P2RY6: variants seen among roughly 807,000 people sequenced by gnomAD.
P2RY6 encodes the protein pyrimidinergic receptor P2Y6, also known as P2Y purinoceptor 6.
Under a neutral mutation model 16.3 loss-of-function variants are expected in P2RY6, and 19 were observed. That is an observed-to-expected ratio of 1.16 (90% CI 0.81 to 1.71). The LOEUF (loss-of-function observed/expected upper bound fraction) is 1.71. Ranked by LOEUF, P2RY6 falls within the 40% of genes most tolerant of loss-of-function variation. The probability of loss-of-function intolerance (pLI) is 0.00; values close to 1 mark genes in which losing one functional copy is unlikely to be tolerated. For missense variants in P2RY6, 389 were observed against 455.5 expected (o/e 0.85, Z 1.33); for synonymous variants, 184 against 201.5 (o/e 0.91, Z 0.74).
chr11:73,292,966 C>CGGGGGGGGGGGGGGGGGGGGGG (rs1393817542), intron 1 of P2RY6: 1 of 18,372 alleles, frequency 5.4e-5, no homozygotes, highest in Non-Finnish European at 6.8e-5. Context: ...GCAGGGGTTG[C>CGGGGGGGGGGGGGGGGGGGGGG]GGGGGGTGGG....
At position 73,296,830 on chromosome 11, in the gene P2RY6, C is replaced by A; in HGVS notation, c.312C>A (p.Phe104Leu). 1 of 1,610,582 alleles carries A rather than the reference C, an allele frequency of 6.2e-7. No homozygotes were observed. The change falls in exon 3 of 3, where the codon TTC (phenylalanine) becomes TTA (leucine). Residue 104 changes from phenylalanine to leucine, a missense_variant. Phe to Leu is a conservative substitution (Grantham distance 22, BLOSUM62 0). Coordinates refer to ENST00000540124, the MANE Select transcript of P2RY6 (RefSeq NM_001277204.2). Reference protein sequence around the residue: ...FGDFACRLVRFLFYANLHGSI... With the variant: ...FGDFACRLVRLLFYANLHGSI... ...ACTTCGCCTGCCGCCTGGTCCGCTT[C>A]CTCTTCTATGCCAACCTGCACGGCA...
intron 1 of P2RY6, among the ~76,000 whole-genome samples, chr11:73,295,353 C>A (rs1053791418): frequency 1.3e-5 from 2 of 152,226 alleles, no homozygotes; most frequent in Admixed American, 1.3e-4. Context: ...CTGCTTCACA[C>A]AGCATGGAAG....
upstream of P2RY6, among the ~76,000 whole-genome samples, chr11:73,267,936 T>A (rs921233574): frequency 1.3e-5 from 2 of 152,216 alleles, no homozygotes; most frequent in African/African-American, 4.8e-5. Flanking sequence ...TCCTCTCCCA[T>A]CTCTTTCCTG....
At chr11:73,278,006 T>C (rs1468784823) in intron 1 of P2RY6, among the ~76,000 whole-genome samples, 1 of 152,134 alleles carries the variant, frequency 6.6e-6, no homozygotes, top group Non-Finnish European at 1.5e-5. Context: ...TTGTTGTTAT[T>C]TTGTTTGTCT....
In P2RY6 at chr11:73,296,686, G is replaced by T; in HGVS notation, c.168G>T (p.Arg56=). 8 of 1,614,128 alleles carry T rather than the reference G, an allele frequency of 5.0e-6. No individual in the cohort carries two copies. The highest frequency in any genetic ancestry group is 6.8e-6 in the Non-Finnish European group (8 of 1,180,038). Residue 56 remains arginine, a synonymous_variant, in exon 3 of 3, where the codon CGG becomes CGT. Coordinates refer to ENST00000540124, the MANE Select transcript of P2RY6 (RefSeq NM_001277204.2). ...CVITQICTSR[R]ALTRTAVYTL... ...TTACCCAGATCTGCACGTCCCGCCG[G>T]GCCCTGACCCGCACGGCCGTGTACA... is the stretch of plus-strand genomic sequence containing the variant.
At chr11:73,266,333 G>A (rs1430011167) in intron 1 of P2RY6, among the ~76,000 whole-genome samples, 1 of 152,194 alleles carries the variant, frequency 6.6e-6, no homozygotes, top group Non-Finnish European at 1.5e-5. Flanking sequence ...GGCTTGGATG[G>A]AGGCTTCTCA....
At chr11:73,276,685 C>A (rs1225004151) in intron 1 of P2RY6, among the ~76,000 whole-genome samples, 1 of 152,118 alleles carries the variant, frequency 6.6e-6, no homozygotes, top group Non-Finnish European at 1.5e-5. Context: ...AAAGGAGATT[C>A]GTAGTTTCCA....
intron 1 of P2RY6, among the ~76,000 whole-genome samples, chr11:73,288,169 G>A (rs867291779): frequency 6.6e-5 from 10 of 152,334 alleles, no homozygotes; most frequent in Admixed American, 1.3e-4. Context: ...ACAATGCTTG[G>A]TGCATCGTTA....
chr11:73,274,540 C>CAAAA lies in P2RY6; in HGVS notation c.-121+2086_-121+2089dup, dbSNP rs59442426. Among the ~76,000 whole-genome samples the CAAAA allele has an allele frequency of 4.8e-3, 329 of 68,426 alleles. 8 individuals carry two copies. Among genetic ancestry groups the CAAAA allele is most frequent in the African/African-American group, 0.013 (305 of 24,338 alleles). The allele number at this position is 68,426 out of a possible 152,430, so 44.9% of individuals were successfully genotyped here. A position where few individuals can be genotyped will look rare whatever the true frequency, so the allele number is the denominator to read the frequency against. ...CTGGGTGACAAGAGCGAGACTGTCT[C>CAAAA]AAAAAAAAAAAAAAAGAAAGAAAGA... On this transcript the variant is annotated intron_variant, in intron 1 of 2. Coordinates refer to ENST00000540124, the MANE Select transcript of P2RY6 (RefSeq NM_001277204.2).
chr11:73,275,341 C>T (rs1473211930), intron 1 of P2RY6, among the ~76,000 whole-genome samples: 2 of 152,194 alleles, frequency 1.3e-5, no homozygotes, highest in East Asian at 1.9e-4. Flanking sequence ...GAGGGATAAC[C>T]TTGTTTCTAT....
chr11:73,268,536 C>G (rs975249036), upstream of P2RY6, among the ~76,000 whole-genome samples: 2 of 152,176 alleles, frequency 1.3e-5, no homozygotes, highest in African/African-American at 4.8e-5. Context: ...TGAGGAGGAT[C>G]ATTTGAGCCC....
At chr11:73,287,599 G>C (rs113211147) in intron 1 of P2RY6, among the ~76,000 whole-genome samples, 2,350 of 152,332 alleles carry the variant, frequency 0.015, 80 homozygotes, top group African/African-American at 0.052. Context: ...CTCCCCCCAC[G>C]GACTGGAGCC....
chr11:73,296,233 A>AAAATATATATATATAT (rs57187973), intron 2 of P2RY6, among the ~76,000 whole-genome samples: 1 of 124,514 alleles, frequency 8.0e-6, no homozygotes, highest in African/African-American at 3.5e-5. Context: ...GAAAAAAAAA[A>AAAATATATATATATAT]ATATATATAT....
chr11:73,266,473 A>G (rs1430166777), intron 1 of P2RY6, among the ~76,000 whole-genome samples: 2 of 152,202 alleles, frequency 1.3e-5, no homozygotes, highest in African/African-American at 2.4e-5. Flanking sequence ...GATCAGGAAT[A>G]TTAGTCCCTG....
At chr11:73,271,117 AGAG>A (rs911596139), upstream of P2RY6, among the ~76,000 whole-genome samples, 1 of 152,194 alleles carries the variant, frequency 6.6e-6, no homozygotes, top group Non-Finnish European at 1.5e-5. Context: ...GTAAGAAAGA[AGAG>A]GAGGAGGAGG....
chr11:73,296,805 A>G lies in P2RY6; in HGVS notation c.287A>G (p.Asp96Gly), dbSNP rs926526360. 2 of 1,610,722 alleles carry G rather than the reference A, an allele frequency of 1.2e-6. No homozygotes were observed. The highest frequency in any genetic ancestry group is 1.7e-5 in the Admixed American group (1 of 60,010). Reference protein sequence around the residue: ...YAQGDHWPFGDFACRLVRFLF... With the variant: ...YAQGDHWPFGGFACRLVRFLF... The stretch of plus-strand genomic sequence containing the variant: ...CAAGGTGATCACTGGCCCTTTGGCG[A>G]CTTCGCCTGCCGCCTGGTCCGCTTC... Residue 96 changes from aspartate (D) to glycine (G), a missense_variant, in exon 3 of 3, where the codon GAC becomes GGC. By Grantham distance (94) the Asp-to-Gly change is moderately conservative. Transcript: ENST00000540124.
upstream of P2RY6, among the ~76,000 whole-genome samples, chr11:73,269,309 A>C (rs1565158870): frequency 6.6e-6 from 1 of 152,130 alleles, no homozygotes; most frequent in Non-Finnish European, 1.5e-5. Flanking sequence ...CCTCCCCGTG[A>C]GGAGCCTACA....
chr11:73,268,042 C>T (rs892837967), upstream of P2RY6, among the ~76,000 whole-genome samples: 1 of 152,236 alleles, frequency 6.6e-6, no homozygotes, highest in African/African-American at 2.4e-5. Flanking sequence ...ATGGTGCCTG[C>T]GTGCCTGCCG....
Position 73,276,103 on chromosome 11 carries a change from A to G in P2RY6, c.-121+3637A>G, listed in dbSNP as rs138843997. ...GTCAGGCCTCAGAGCATACCATTAA[A>G]TGGTAAAATATGAATGACAACATAA... is the stretch of plus-strand genomic sequence containing the variant. On this transcript the variant is annotated intron_variant, in intron 1 of 2. Coordinates refer to ENST00000540124, the MANE Select transcript of P2RY6 (RefSeq NM_001277204.2). Among the ~76,000 whole-genome samples, 1,520 of 152,366 alleles carry G rather than the reference A, an allele frequency of 1.0e-2. 14 individuals are homozygous for G. Among genetic ancestry groups the G allele is most frequent in the Non-Finnish European group, 0.019 (1,281 of 68,038 alleles).
Sources: allele counts gnomAD v4.1 joint callset (sites outside exome capture counted in the v4.1 genomes callset), GRCh38; gene constraint gnomAD v4.1.1; transcripts MANE v1.5; gene names NCBI Gene and HGNC (gene_info 2026-07-23, HGNC 2026-07-21).